SPEN: variants seen among roughly 807,000 people sequenced by gnomAD.
SPEN encodes the protein spen family transcriptional repressor.
In SPEN, 18 loss-of-function variants were observed where a neutral mutation model predicts 269.9. The ratio of observed to expected loss-of-function variants is 0.07; its 90% CI spans 0.05 to 0.10. SPEN has a LOEUF of 0.10. SPEN is among the 10% of genes least tolerant of loss of function. SPEN has a pLI of 1.00. For missense variants in SPEN, 3,822 were observed against 4,631.2 expected, an observed-to-expected ratio of 0.83 and a Z score of 5.07; for synonymous variants, 1,726 against 1,765.7, an observed-to-expected ratio of 0.98 and a Z score of 0.56.
At chr1:15,855,934 G>A (rs1460082889) in intron 1 of SPEN, among the ~76,000 whole-genome samples, 1 of 150,198 alleles carries the variant, frequency 6.7e-6, no homozygotes, top group Non-Finnish European at 1.5e-5. Flanking sequence ...AAGTGTCCTT[G>A]GATTAAAAGA....
chr1:15,848,160 A>T lies in SPEN; in HGVS notation c.83+10A>T, dbSNP rs767372320. The T allele has an allele frequency of 6.9e-7, 1 of 1,457,120 alleles. No homozygotes were observed. 90.3% of individuals were successfully genotyped at this position (1,457,120 alleles called of 1,614,324 possible). A position where few individuals can be genotyped will look rare whatever the true frequency, so the allele number is the denominator to read the frequency against. On this transcript the variant is annotated intron_variant, in intron 1 of 14. Coordinates refer to ENST00000375759, the MANE Select transcript of SPEN (RefSeq NM_015001.3). The surrounding 1 kb of genome is among the most constrained non-coding windows in gnomAD (Gnocchi z 5.1). ...TCGAGCATTTCAAACGGTGAGTGAC[A>T]CGAGGCCCGCGGCCGCGCTCGCTCC...
intron 10 of SPEN, among the ~76,000 whole-genome samples, chr1:15,927,835 CT>C (rs950923379): frequency 3.3e-5 from 5 of 152,282 alleles, no homozygotes; most frequent in African/African-American, 1.2e-4. Flanking sequence ...TATAATCAGT[CT>C]AAATTGTTGT....
chr1:15,931,772 T>C lies in SPEN; in HGVS notation c.5532T>C (p.Ser1844=). Residue 1844 remains serine (S), a synonymous_variant, in exon 11 of 15, where the codon AGT becomes AGC. Coordinates refer to ENST00000375759, the MANE Select transcript of SPEN (RefSeq NM_015001.3). The surrounding 1 kb of genome is among the most constrained non-coding windows in gnomAD (Gnocchi z 4.8). ...TGGAGAAGCCCGTCACAAGGAAGAG[T>C]GAGAGGATAGACCGGGAAAAACTCA... The part of the protein sequence containing the change: ...SIVEKPVTRK[S]ERIDREKLKR... The C allele has an allele frequency of 1.2e-6, 2 of 1,613,614 alleles. No homozygotes were observed. The highest frequency in any genetic ancestry group is 1.7e-6 in the Non-Finnish European group (2 of 1,179,882).
chr1:15,914,221 C>G (rs1272143545), intron 5 of SPEN, among the ~76,000 whole-genome samples: 1 of 152,184 alleles, frequency 6.6e-6, no homozygotes. Flanking sequence ...AGCCATCAGT[C>G]TGGACTCAGA....
intron 3 of SPEN, among the ~76,000 whole-genome samples, chr1:15,886,746 G>A (rs984856128): frequency 1.3e-5 from 2 of 152,148 alleles, no homozygotes; most frequent in African/African-American, 2.4e-5. Flanking sequence ...TCACAACATG[G>A]TCAGCATTTG....
intron 3 of SPEN, among the ~76,000 whole-genome samples, chr1:15,907,668 A>C (rs949898750): frequency 1.3e-5 from 2 of 152,156 alleles, no homozygotes; most frequent in African/African-American, 4.8e-5. Flanking sequence ...TTGAAAAGTG[A>C]GGCCTCTATA....
At chr1:15,860,799 A>G (rs1398789011) in intron 1 of SPEN, among the ~76,000 whole-genome samples, 1 of 151,564 alleles carries the variant, frequency 6.6e-6, no homozygotes, top group Non-Finnish European at 1.5e-5. Flanking sequence ...ACGGGGTTTC[A>G]CCATGTTGGC....
Position 15,928,435 on chromosome 1 carries a change from G to A in SPEN, c.2195G>A (p.Arg732Gln), listed in dbSNP as rs757226572. The A allele has an allele frequency of 3.1e-6, 5 of 1,614,094 alleles. No homozygotes were observed. The highest frequency in any genetic ancestry group is 2.2e-5 in the East Asian group (1 of 44,864). ...CGAAGTCAAAGTCCTGTTCACTTGC[G>A]ACGTCCACAGAGTCCTGGAGCGTCT... is the stretch of plus-strand genomic sequence containing the variant. ...IERSQSPVHL[R>Q]RPQSPGASPS... The change falls in exon 11 of 15, where the codon CGA becomes CAA. Residue 732 changes from arginine to glutamine, a missense_variant. Physicochemically the swap from Arg to Gln is conservative, Grantham distance 43. This residue lies in a region of SPEN where 572 missense variants were observed against 582.6 expected (regional missense o/e 0.98). Coordinates refer to ENST00000375759, the MANE Select transcript of SPEN (RefSeq NM_015001.3). This position sits in a 1 kb window ranked among gnomAD's most constrained non-coding sequence, Gnocchi z 5.7.
intron 3 of SPEN, among the ~76,000 whole-genome samples, chr1:15,892,012 CTTTTTTTTTTTTTT>C (rs71003216): frequency 1.5e-4 from 11 of 74,578 alleles, no homozygotes; most frequent in African/African-American, 4.4e-4. Context: ...TTTCTTTTTA[CTTTTTTTTTTTTTT>C]TTTTTTTTTT....
At chr1:15,850,798 GA>G (rs1226060104) in intron 1 of SPEN, among the ~76,000 whole-genome samples, 1 of 152,180 alleles carries the variant, frequency 6.6e-6, no homozygotes, top group African/African-American at 2.4e-5. Flanking sequence ...GCAAGAAAAT[GA>G]AATGGTATTC....
chr1:15,859,482 C>T (rs569347542), intron 1 of SPEN, among the ~76,000 whole-genome samples: 19 of 151,418 alleles, frequency 1.3e-4, no homozygotes, highest in African/African-American at 2.4e-4. Context: ...CTCAGCCTCC[C>T]GAGTAGCTGG....
At chr1:15,883,807 CTTTTTTTT>C (rs36018800) in intron 3 of SPEN, among the ~76,000 whole-genome samples, 3 of 69,548 alleles carry the variant, frequency 4.3e-5, no homozygotes, top group African/African-American at 1.4e-4. Flanking sequence ...ATTTAAGATT[CTTTTTTTT>C]TTTTTTTTTT....
intron 9 of SPEN, 79 bp downstream of exon 9, chr1:15,921,062 A>C: frequency 9.5e-5 from 82 of 866,062 alleles, no homozygotes; most frequent in Middle Eastern, 8.0e-4. Flanking sequence ...GTGGTGGCTC[A>C]CGCCTGTAAT....
intron 1 of SPEN, among the ~76,000 whole-genome samples, chr1:15,857,117 C>T (rs2070395163): frequency 6.6e-6 from 1 of 151,778 alleles, no homozygotes; most frequent in African/African-American, 2.4e-5. Flanking sequence ...TGCTGGAGTG[C>T]AGTGGTGTGA....
intron 9 of SPEN, among the ~76,000 whole-genome samples, chr1:15,922,024 G>A (rs538924919): frequency 3.2e-4 from 49 of 152,164 alleles, no homozygotes; most frequent in African/African-American, 1.0e-3. Context: ...TCACAATTGG[G>A]TTTGAAACTT....
chr1:15,934,468 C>A lies in SPEN; in HGVS notation c.8228C>A (p.Ala2743Glu). ...ACAGCAAGTGCAGTGACCGTCACAG[C>A]GGGTGCGGTTACTGCTGCATCTGGT... ...NATASAVTVT[A>E]GAVTAASGGV... Residue 2743 changes from alanine to glutamate, a missense_variant, in exon 11 of 15, where the codon GCG (alanine) becomes GAG (glutamate). By Grantham distance (107) the Ala-to-Glu change is moderately radical. Around this residue, in one of 16 missense-constraint regions of SPEN, gnomAD observed 329 missense variants for 431.2 expected, o/e 0.76. Transcript: ENST00000375759. This position sits in a 1 kb window ranked among gnomAD's most constrained non-coding sequence, Gnocchi z 9.2. The A allele has an allele frequency of 6.2e-7, 1 of 1,614,008 alleles. No individual in the cohort carries two copies. The highest frequency in any genetic ancestry group is 8.5e-7 in the Non-Finnish European group (1 of 1,180,046).
chr1:15,874,276 C>G, intron 2 of SPEN: 1 of 1,366,426 alleles, frequency 7.3e-7, no homozygotes, highest in Non-Finnish European at 9.8e-7. Flanking sequence ...ATTTGACACC[C>G]TTGCCCATTA....
At chr1:15,892,416 A>G (rs1242784793) in intron 3 of SPEN, among the ~76,000 whole-genome samples, 1 of 152,234 alleles carries the variant, frequency 6.6e-6, no homozygotes, top group Non-Finnish European at 1.5e-5. Flanking sequence ...AGCAAGCTCT[A>G]TTAAGCTGTA....
intron 3 of SPEN, among the ~76,000 whole-genome samples, chr1:15,899,970 T>A (rs1030600344): frequency 6.6e-6 from 1 of 151,972 alleles, no homozygotes; most frequent in African/African-American, 2.4e-5. Context: ...CTCAGCCTCC[T>A]GAGTAGCTGG....
Sources: allele counts gnomAD v4.1 joint callset (sites outside exome capture counted in the v4.1 genomes callset), GRCh38; gene constraint gnomAD v4.1.1; regional missense constraint gnomAD v4.1.1; non-coding constraint Gnocchi (gnomAD v3.1); transcripts MANE v1.5; gene names NCBI Gene and HGNC (gene_info 2026-07-23, HGNC 2026-07-21).